PCDH9: variants seen among roughly 807,000 people sequenced by gnomAD.
PCDH9 encodes the protein protocadherin 9.
Under a neutral mutation model 70.6 loss-of-function variants are expected in PCDH9, and 24 were observed. The ratio of observed to expected loss-of-function variants is 0.34; its 90% confidence interval spans 0.25 to 0.48. PCDH9 has a LOEUF of 0.48. PCDH9 is among the 20% of genes least tolerant of loss of function. The pLI is 0.99. For missense variants in PCDH9, 1,281 were observed against 1,503.6 expected, an observed-to-expected ratio of 0.85 and a Z score of 2.45; for synonymous variants, 562 against 558.5, an observed-to-expected ratio of 1.01 and a Z score of -0.09.
At chr13:66,878,706 TTAAAA>T (rs1211759058) in intron 3 of PCDH9, among the ~76,000 whole-genome samples, 4 of 152,098 alleles carry the variant, frequency 2.6e-5, no homozygotes, top group African/African-American at 7.2e-5. Flanking sequence ...ATGTTAGGAC[TTAAAA>T]TAGACAAAGT....
intron 2 of PCDH9, among the ~76,000 whole-genome samples, chr13:67,175,946 T>TA (rs35318625): frequency 0.12 from 18,245 of 146,152 alleles, 1,371 homozygotes; most frequent in Non-Finnish European, 0.17. Flanking sequence ...AGTAAACCAT[T>TA]AAAAAAAAAA....
intron 2 of PCDH9, among the ~76,000 whole-genome samples, chr13:66,968,984 T>C (rs1256297242): frequency 6.6e-6 from 1 of 152,052 alleles, no homozygotes; most frequent in Non-Finnish European, 1.5e-5. Context: ...TCCCTTTAAG[T>C]ATCACTGGAA....
chr13:66,660,852 T>C (rs944135900), intron 3 of PCDH9, among the ~76,000 whole-genome samples: 1 of 152,100 alleles, frequency 6.6e-6, no homozygotes, highest in Non-Finnish European at 1.5e-5. Flanking sequence ...TATTTTCTTT[T>C]TAAGAATTTT....
chr13:67,007,858 CA>C, intron 2 of PCDH9, among the ~76,000 whole-genome samples: 1 of 152,232 alleles, frequency 6.6e-6, no homozygotes, highest in South Asian at 2.1e-4. Context: ...GTGAATATAT[CA>C]ACTTTACCTC....
At chr13:66,912,314 G>A (rs542893371) in intron 2 of PCDH9, among the ~76,000 whole-genome samples, 12 of 152,210 alleles carry the variant, frequency 7.9e-5, no homozygotes, top group South Asian at 4.1e-4. Flanking sequence ...AACTTTCTAA[G>A]GAGTTCTGAA....
At chr13:66,482,430 C>T (rs1958858529) in intron 4 of PCDH9, among the ~76,000 whole-genome samples, 1 of 152,182 alleles carries the variant, frequency 6.6e-6, no homozygotes, top group Non-Finnish European at 1.5e-5. Context: ...CTATAGGAGA[C>T]TTCTCATGTT....
chr13:66,315,551 G>A (rs1955635809), intron 4 of PCDH9, among the ~76,000 whole-genome samples: 1 of 151,824 alleles, frequency 6.6e-6, no homozygotes, highest in African/African-American at 2.4e-5. Context: ...GCGCAATCTC[G>A]GCTCACTGCA....
chr13:67,173,928 G>C (rs2088368232), intron 2 of PCDH9, among the ~76,000 whole-genome samples: 1 of 152,072 alleles, frequency 6.6e-6, no homozygotes, highest in African/African-American at 2.4e-5. Flanking sequence ...CAACAACTTA[G>C]GGACAGGTTT....
intron 3 of PCDH9, among the ~76,000 whole-genome samples, chr13:66,647,062 C>T (rs948734466): frequency 6.6e-6 from 1 of 152,108 alleles, no homozygotes; most frequent in Admixed American, 6.5e-5. Flanking sequence ...GCAAGCTTTG[C>T]CACCAAGACC....
At chr13:66,413,444 T>G (rs1028910513) in intron 4 of PCDH9, among the ~76,000 whole-genome samples, 12 of 152,110 alleles carry the variant, frequency 7.9e-5, no homozygotes, top group African/African-American at 2.9e-4. Flanking sequence ...TCCAGCACTT[T>G]AGGAGGCCGA....
At chr13:66,322,914 T>C (rs1955779889) in intron 4 of PCDH9, among the ~76,000 whole-genome samples, 1 of 152,036 alleles carries the variant, frequency 6.6e-6, no homozygotes, top group African/African-American at 2.4e-5. Context: ...CTGGCTCTTT[T>C]AAAAAATTCT....
chr13:66,559,212 G>A (rs921417163), intron 4 of PCDH9, among the ~76,000 whole-genome samples: 1 of 152,124 alleles, frequency 6.6e-6, no homozygotes, highest in Middle Eastern at 3.2e-3. Flanking sequence ...CTACTCATAT[G>A]TTCACTTTAC....
chr13:66,334,698 C>G (rs1183142447), intron 4 of PCDH9, among the ~76,000 whole-genome samples: 1 of 151,886 alleles, frequency 6.6e-6, no homozygotes, highest in African/African-American at 2.4e-5. Flanking sequence ...CAGGTCATAC[C>G]ATACAACTAA....
rs2325021 is a variant in PCDH9 at position 67,092,269 on chromosome 13, G to A, written c.3036+133136C>T. On this transcript the variant is annotated intron_variant, in intron 2 of 4. Coordinates refer to ENST00000377865, the MANE Select transcript of PCDH9 (RefSeq NM_203487.3). ...CTTATGATACTTACAATACATGCAT[G>A]TAAAGCAATTTCAATCTCTATCCCT... is the stretch of plus-strand genomic sequence containing the variant. Among the ~76,000 whole-genome samples the A allele has an allele frequency of 7.6e-3, 1,150 of 152,178 alleles. 19 individuals carry two copies. The highest frequency in any genetic ancestry group is 0.026 in the African/African-American group (1,067 of 41,510).
intron 3 of PCDH9, among the ~76,000 whole-genome samples, chr13:66,642,589 CT>C (rs1157349109): frequency 6.6e-6 from 1 of 151,866 alleles, no homozygotes; most frequent in Non-Finnish European, 1.5e-5. Context: ...GTTTTGAAAC[CT>C]TGCATATTAT....
chr13:66,359,959 T>C (rs1219053488), intron 4 of PCDH9, among the ~76,000 whole-genome samples: 3 of 152,114 alleles, frequency 2.0e-5, no homozygotes, highest in Non-Finnish European at 4.4e-5. Flanking sequence ...TTATACATCT[T>C]TAAATATATT....
intron 4 of PCDH9, among the ~76,000 whole-genome samples, chr13:66,596,584 A>G (rs2077105632): frequency 6.6e-6 from 1 of 151,634 alleles, no homozygotes; most frequent in Non-Finnish European, 1.5e-5. Context: ...AAAATTTTAC[A>G]TGTGACCAAC....
At chr13:66,627,203 A>G (rs192200719) in intron 4 of PCDH9, among the ~76,000 whole-genome samples, 41 of 152,286 alleles carry the variant, frequency 2.7e-4, no homozygotes, top group African/African-American at 9.4e-4. Context: ...TCTACAGATC[A>G]TACTGACATC....
chr13:66,458,490 T>C (rs1269553371), intron 4 of PCDH9, among the ~76,000 whole-genome samples: 1 of 152,048 alleles, frequency 6.6e-6, no homozygotes, highest in African/African-American at 2.4e-5. Context: ...CTGGTCACCT[T>C]TTTCTGTTTT....
Sources: allele counts gnomAD v4.1 joint callset (sites outside exome capture counted in the v4.1 genomes callset), GRCh38; gene constraint gnomAD v4.1.1; transcripts MANE v1.5; gene names NCBI Gene and HGNC (gene_info 2026-07-23, HGNC 2026-07-21).